DKK2: variants seen among roughly 807,000 people sequenced by gnomAD.
DKK2 encodes the protein dickkopf-related protein 2.
DKK2 carries 11 observed loss-of-function variants against 28.1 expected under a neutral mutation model. The ratio of observed to expected loss-of-function variants is 0.39; its 90% CI spans 0.25 to 0.65. DKK2 has a LOEUF of 0.65. Ranked by LOEUF, DKK2 falls within the 30% of genes least tolerant of loss-of-function variation. The probability of loss-of-function intolerance (pLI) is 0.47; values close to 1 mark genes in which losing one functional copy is unlikely to be tolerated. For synonymous variants in DKK2, 135 were observed against 126.5 expected (o/e 1.07, Z -0.45); for missense variants, 326 against 335.5 (o/e 0.97, Z 0.22).
chr4:106,928,595 A>C (rs2110339687), intron 1 of DKK2, among the ~76,000 whole-genome samples: 1 of 152,322 alleles, frequency 6.6e-6, no homozygotes, highest in East Asian at 1.9e-4. Context: ...AATTGATTAA[A>C]GAAGAGTATA....
chr4:106,941,129 A>T (rs1038566083), intron 1 of DKK2, among the ~76,000 whole-genome samples: 12 of 151,894 alleles, frequency 7.9e-5, no homozygotes, highest in African/African-American at 2.9e-4. Context: ...ATAACAAAAT[A>T]AAAATAAAAT....
chr4:107,027,574 C>G (rs1334168552), intron 1 of DKK2, among the ~76,000 whole-genome samples: 1 of 152,040 alleles, frequency 6.6e-6, no homozygotes, highest in Admixed American at 6.6e-5. Context: ...AAAATCCTAG[C>G]AAGCTGTCTT....
chr4:106,929,744 T>C (rs1244505364), intron 1 of DKK2, among the ~76,000 whole-genome samples: 3 of 152,250 alleles, frequency 2.0e-5, no homozygotes, highest in Non-Finnish European at 2.9e-5. Context: ...TATTTCGTTT[T>C]AGCATAAAAT....
rs1022835540 is a variant in DKK2 at position 106,943,397 on chromosome 4, T to C, written c.223-17448A>G. On this transcript the variant is annotated intron_variant, in intron 1 of 3. Transcript: ENST00000285311. Reference sequence around the variant, plus strand: ...TAATGCATGAAATTTGTTGCAACAGTGGTTGGAAGTTTGTAGCATTAAATT... The same window carrying C: ...TAATGCATGAAATTTGTTGCAACAGCGGTTGGAAGTTTGTAGCATTAAATT... 4.6e-5 allele frequency among the ~76,000 whole-genome samples: 7 copies of C among 152,246 alleles called. No individual in the cohort carries two copies. In the East Asian group the frequency reaches 1.4e-3, roughly 29 times the overall value.
chr4:106,989,939 TTTA>T lies in DKK2; in HGVS notation c.222+45428_222+45430del, dbSNP rs371167933. Among the ~76,000 whole-genome samples, 782 of 152,290 alleles carry T rather than the reference TTTA, an allele frequency of 5.1e-3. 4 individuals are homozygous for T. Among genetic ancestry groups the T allele is most frequent in the African/African-American group, 0.018 (747 of 41,570 alleles). The stretch of plus-strand genomic sequence containing the variant: ...AGGTGAAATTAATCTTAAAAATATC[TTTA>T]GTTTAACCCAACATAGCAAAAATAT... On this transcript the variant is annotated intron_variant, in intron 1 of 3. Coordinates refer to ENST00000285311, the MANE Select transcript of DKK2 (RefSeq NM_014421.3).
At chr4:106,960,079 T>A (rs1265775527) in intron 1 of DKK2, among the ~76,000 whole-genome samples, 1 of 151,022 alleles carries the variant, frequency 6.6e-6, no homozygotes, top group Non-Finnish European at 1.5e-5. Flanking sequence ...GGAATCAACC[T>A]AAGTATCCAT....
intron 1 of DKK2, among the ~76,000 whole-genome samples, chr4:107,014,317 T>A (rs1308291567): frequency 1.3e-5 from 2 of 151,534 alleles, no homozygotes; most frequent in Non-Finnish European, 3.0e-5. Flanking sequence ...TATAAAGGAA[T>A]GAAATCCTGT....
chr4:107,020,170 G>A (rs970770394), intron 1 of DKK2, among the ~76,000 whole-genome samples: 1 of 152,020 alleles, frequency 6.6e-6, no homozygotes, highest in Non-Finnish European at 1.5e-5. Flanking sequence ...AAAATTCACA[G>A]TACACACTTC....
intron 1 of DKK2, among the ~76,000 whole-genome samples, chr4:106,947,206 G>A (rs1724790089): frequency 6.6e-6 from 1 of 151,912 alleles, no homozygotes. Context: ...CAGGTATATG[G>A]AGTGCCTTGA....
rs761694951 is a variant in DKK2, at chr4:106,924,618, G to A, written c.456C>T (p.His152=). ...CCAAGTCATGGTTTGAGTAATGACC[G>A]TGGTTTCGATCTCTGTGCCGAGTAC... ...LDGTRHRDRN[H]GHYSNHDLGW... The change falls in exon 3 of 4, where the codon CAC becomes CAT. Residue 152 remains histidine (H), a synonymous_variant. Transcript: ENST00000285311. 22 of 1,613,788 alleles carry A rather than the reference G, an allele frequency of 1.4e-5. No homozygotes were observed. The highest frequency in any genetic ancestry group is 1.8e-5 in the Non-Finnish European group (21 of 1,179,882).
At chr4:107,009,908 T>C (rs1031510818) in intron 1 of DKK2, among the ~76,000 whole-genome samples, 4 of 151,758 alleles carry the variant, frequency 2.6e-5, no homozygotes, top group Non-Finnish European at 4.4e-5. Context: ...CTGTGGGAAT[T>C]CTCCTCGAAT....
chr4:106,974,449 T>G (rs1053152533), intron 1 of DKK2, among the ~76,000 whole-genome samples: 1 of 152,184 alleles, frequency 6.6e-6, no homozygotes, highest in African/African-American at 2.4e-5. Context: ...CTTGAAGAGG[T>G]CCTTCACATC....
intron 1 of DKK2, among the ~76,000 whole-genome samples, chr4:106,949,578 T>A (rs1260968628): frequency 2.0e-5 from 3 of 152,202 alleles, no homozygotes; most frequent in Non-Finnish European, 4.4e-5. Context: ...AGAGGCAGAA[T>A]TTTAAGTTCA....
In DKK2 at chr4:107,035,701, A is replaced by T; in HGVS notation, c.-110T>A. 1 of 1,111,372 alleles carries T rather than the reference A, an allele frequency of 9.0e-7. No homozygotes were observed. Among genetic ancestry groups the T allele is most frequent in the South Asian group, 1.4e-5 (1 of 71,022 alleles). The allele number at this position is 1,111,372 out of a possible 1,614,324, so 68.8% of individuals were successfully genotyped here. On this transcript the variant is annotated 5_prime_UTR_variant, in exon 1 of 4. Transcript: ENST00000285311. Reference sequence around the variant, plus strand: ...TCACTTGGGTCGCGGGGGCTTGCAGATTGTGTTCCCTCAACCCTTCCTGGT... The same window carrying T: ...TCACTTGGGTCGCGGGGGCTTGCAGTTTGTGTTCCCTCAACCCTTCCTGGT...
chr4:106,981,922 T>G (rs1242881012), intron 1 of DKK2, among the ~76,000 whole-genome samples: 2 of 152,174 alleles, frequency 1.3e-5, no homozygotes, highest in Non-Finnish European at 2.9e-5. Context: ...ATGCAATATT[T>G]TTTCCTTGAG....
chr4:106,959,793 C>T (rs968931851), intron 1 of DKK2, among the ~76,000 whole-genome samples: 1 of 152,014 alleles, frequency 6.6e-6, no homozygotes, highest in Non-Finnish European at 1.5e-5. Flanking sequence ...AACCTAGTTG[C>T]CTTTCCTCCC....
intron 1 of DKK2, among the ~76,000 whole-genome samples, chr4:106,949,111 C>T (rs1187393403): frequency 1.3e-5 from 2 of 152,134 alleles, no homozygotes; most frequent in Non-Finnish European, 2.9e-5. Flanking sequence ...CATCTGCCTA[C>T]CAGATCTGTG....
chr4:106,950,605 C>T (rs1218631406), intron 1 of DKK2, among the ~76,000 whole-genome samples: 1 of 152,026 alleles, frequency 6.6e-6, no homozygotes, highest in Non-Finnish European at 1.5e-5. Flanking sequence ...TACCCTGCTC[C>T]AGCCATGTTC....
intron 1 of DKK2, among the ~76,000 whole-genome samples, chr4:106,967,844 A>C (rs755029707): frequency 6.6e-6 from 1 of 151,228 alleles, no homozygotes; most frequent in Non-Finnish European, 1.5e-5. Context: ...AAGGCAAAGA[A>C]AGAAGAGGGC....
Sources: gnomAD v4.1 joint callset for allele counts (sites outside exome capture counted in the v4.1 genomes callset) on GRCh38, gnomAD v4.1.1 for gene constraint, MANE v1.5 for transcripts, NCBI Gene and HGNC (gene_info 2026-07-23, HGNC 2026-07-21) for gene names.